RFX2: variants seen among roughly 807,000 people sequenced by gnomAD.
The protein encoded by RFX2 is DNA-binding protein RFX2.
Under a neutral mutation model 87.8 loss-of-function variants are expected in RFX2, and 20 were observed. That is an observed-to-expected ratio of 0.23 (90% CI 0.16 to 0.33). The LOEUF (loss-of-function observed/expected upper bound fraction) is 0.33. Ranked by LOEUF, RFX2 falls within the 10% of genes least tolerant of loss-of-function variation. The pLI is 1.00. For missense variants in RFX2, 767 were observed against 1,012.3 expected (o/e 0.76, Z 3.29); for synonymous variants, 397 against 431.3 (o/e 0.92, Z 0.98).
In RFX2 at chr19:6,056,289, A is replaced by G. The variant is rs1227439895; in HGVS notation, c.-8-8785T>C. Among the ~76,000 whole-genome samples, 2 of 152,220 alleles carry G rather than the reference A, an allele frequency of 1.3e-5. No individual in the cohort carries two copies. The highest frequency in any genetic ancestry group is 6.5e-5 in the Admixed American group (1 of 15,288). ...ATGGCAGGACCCTGACACCCTGTAG[A>G]GGGTGGTGGCTTCATAAGTTTCATT... On this transcript the variant is annotated intron_variant, in intron 1 of 17. Coordinates refer to ENST00000303657, the MANE Select transcript of RFX2 (RefSeq NM_000635.4). The surrounding 1 kb of genome is among the most constrained non-coding windows in gnomAD (Gnocchi z 4.6).
At chr19:6,030,969 C>T (rs370472832) in intron 5 of RFX2, among the ~76,000 whole-genome samples, 1 of 152,112 alleles carries the variant, frequency 6.6e-6, no homozygotes, top group African/African-American at 2.4e-5. Context: ...ATATCACCAC[C>T]AACCTCATCA....
intron 1 of RFX2, among the ~76,000 whole-genome samples, chr19:6,069,379 G>T (rs1262374112): frequency 6.6e-6 from 1 of 152,126 alleles, no homozygotes; most frequent in African/African-American, 2.4e-5. Flanking sequence ...AACATGGGAT[G>T]GGGCCATCAG....
chr19:6,087,302 A>G (rs2087868291), intron 1 of RFX2, among the ~76,000 whole-genome samples: 1 of 152,142 alleles, frequency 6.6e-6, no homozygotes, highest in Admixed American at 6.5e-5. Flanking sequence ...ACTGCCCTGT[A>G]TTTAGGAATT....
rs1416113930 is a variant in RFX2, at chr19:6,027,643, G to C, written c.523-1406C>G. On this transcript the variant is annotated intron_variant, in intron 5 of 17. Coordinates refer to ENST00000303657, the MANE Select transcript of RFX2 (RefSeq NM_000635.4). This position sits in a 1 kb window ranked among gnomAD's most constrained non-coding sequence, Gnocchi z 5.0. Reference sequence around the variant, plus strand: ...GCCTTGTCCAGTGCCCAGCAGACTGGGAAGGAGAAGAAAACACTGTCTCTC... The same window carrying C: ...GCCTTGTCCAGTGCCCAGCAGACTGCGAAGGAGAAGAAAACACTGTCTCTC... Among the ~76,000 whole-genome samples the C allele has an allele frequency of 6.6e-6, 1 of 152,194 alleles. No individual in the cohort carries two copies. Among genetic ancestry groups the C allele is most frequent in the African/African-American group, 2.4e-5 (1 of 41,444 alleles).
At position 6,011,566 on chromosome 19, in the gene RFX2, A is replaced by G. The variant is rs1027552649; in HGVS notation, c.900-1315T>C. ...CCCTGAAATGTGTGTCGCTGCTCCT[A>G]AAATGACACACTGCCTGGAGCACAG... On this transcript the variant is annotated intron_variant, in intron 8 of 17. Transcript: ENST00000303657. The surrounding 1 kb of genome is among the most constrained non-coding windows in gnomAD (Gnocchi z 4.8). Among the ~76,000 whole-genome samples, 2 of 152,210 alleles carry G rather than the reference A, an allele frequency of 1.3e-5. No individual in the cohort carries two copies. Among genetic ancestry groups the G allele is most frequent in the Non-Finnish European group, 2.9e-5 (2 of 68,030 alleles).
chr19:6,067,826 G>T (rs1213521281), intron 1 of RFX2: 2 of 152,218 alleles, frequency 1.3e-5, no homozygotes, highest in Non-Finnish European at 2.9e-5. Context: ...AGCACACAAT[G>T]CTGATAGATT....
At chr19:6,032,315 A>G (rs1304757294) in intron 5 of RFX2, among the ~76,000 whole-genome samples, 1 of 152,078 alleles carries the variant, frequency 6.6e-6, no homozygotes, top group African/African-American at 2.4e-5. Context: ...GTATTTTAGT[A>G]GAGACAGGGT....
intron 1 of RFX2, among the ~76,000 whole-genome samples, chr19:6,080,202 A>ATGTGTG (rs368062995): frequency 0.014 from 1,934 of 138,472 alleles, 28 homozygotes; most frequent in African/African-American, 0.028. Context: ...TGCCTGGTTA[A>ATGTGTG]TGTGTGTGTG....
rs772035212 is a variant in RFX2 at position 6,002,802 on chromosome 19, C to T, written c.1569G>A (p.Ala523=). Residue 523 remains alanine, a synonymous_variant, in exon 14 of 18, where the codon GCG becomes GCA. Transcript: ENST00000303657. The surrounding 1 kb of genome is among the most constrained non-coding windows in gnomAD (Gnocchi z 6.7). ...ACGTGTTCTGCAGCACCGCCCGGGC[C>T]GCCTGCGCCAGGTGGTTGAGGGACG... ...RYTSLNHLAQ[A]ARAVLQNTSQ... is the part of the protein sequence containing the mutation. The T allele has an allele frequency of 6.7e-5, 108 of 1,613,616 alleles. No individual in the cohort carries two copies. Among genetic ancestry groups the T allele is most frequent in the Non-Finnish European group, 8.2e-5 (97 of 1,179,920 alleles).
At position 6,045,991 on chromosome 19, in the gene RFX2, A is replaced by AT. The variant is rs1332497425; in HGVS notation, c.90+1415dup. The stretch of plus-strand genomic sequence containing the variant: ...CATGTGCCACCATGCCTGGCCCTGA[A>AT]TTGTGTGTTTTAAAACCATAATCAT... On this transcript the variant is annotated intron_variant, in intron 2 of 17. Coordinates refer to ENST00000303657, the MANE Select transcript of RFX2 (RefSeq NM_000635.4). The surrounding 1 kb of genome is among the most constrained non-coding windows in gnomAD (Gnocchi z 5.2). 3.9e-5 allele frequency among the ~76,000 whole-genome samples: 6 copies of AT among 151,978 alleles called. No homozygotes were observed. The highest frequency in any genetic ancestry group is 2.0e-4 in the Admixed American group (3 of 15,248).
At chr19:6,031,539 C>G (rs1294625011) in intron 5 of RFX2, among the ~76,000 whole-genome samples, 2 of 139,538 alleles carry the variant, frequency 1.4e-5, no homozygotes, top group African/African-American at 2.6e-5. Context: ...AAGCAATTCT[C>G]CTGCCTCAGC....
At chr19:6,015,964 A>C in intron 7 of RFX2, 126 bp downstream of exon 7, 1 of 814,174 alleles carries the variant, frequency 1.2e-6, no homozygotes. Context: ...AGTAACTGCA[A>C]GCACTCCAGA....
intron 1 of RFX2, among the ~76,000 whole-genome samples, chr19:6,109,734 T>C (rs1174218363): frequency 2.6e-5 from 4 of 151,666 alleles, no homozygotes; most frequent in Non-Finnish European, 5.9e-5. Flanking sequence ...TCAGGGAGTT[T>C]GAGGGTATGA....
chr19:6,099,224 G>C (rs2088077352), intron 1 of RFX2, among the ~76,000 whole-genome samples: 1 of 152,230 alleles, frequency 6.6e-6, no homozygotes, highest in South Asian at 2.1e-4. Context: ...CTGGGACATA[G>C]AATTCGGGAT....
chr19:6,029,480 G>A (rs1287625417), intron 5 of RFX2, among the ~76,000 whole-genome samples: 1 of 152,034 alleles, frequency 6.6e-6, no homozygotes, highest in Non-Finnish European at 1.5e-5. Context: ...GGGTGAGTTG[G>A]GTGGATCACT....
At position 6,017,459 on chromosome 19, in the gene RFX2, A is replaced by G. The variant is rs2086744157; in HGVS notation, c.598-1188T>C. Among the ~76,000 whole-genome samples, 2 of 152,208 alleles carry G rather than the reference A, an allele frequency of 1.3e-5. No homozygotes were observed. Among genetic ancestry groups the G allele is most frequent in the South Asian group, 4.1e-4 (2 of 4,832 alleles). On this transcript the variant is annotated intron_variant, in intron 6 of 17. Coordinates refer to ENST00000303657, the MANE Select transcript of RFX2 (RefSeq NM_000635.4). This position sits in a 1 kb window ranked among gnomAD's most constrained non-coding sequence, Gnocchi z 4.1. ...TCTGGTTTCCACCTCTCCCTCTGCT[A>G]TCGTCTGTCCCCTGATCCAGAGAGG... is the stretch of plus-strand genomic sequence containing the variant.
At chr19:6,104,979 G>A (rs141815985) in intron 1 of RFX2, among the ~76,000 whole-genome samples, 2 of 151,876 alleles carry the variant, frequency 1.3e-5, no homozygotes, top group Non-Finnish European at 2.9e-5. Flanking sequence ...TTAGCTGAGC[G>A]TTGTGGCACG....
chr19:6,047,298 A>C lies in RFX2; in HGVS notation c.90+109T>G. Reference sequence around the variant, plus strand: ...CAGCAGCACTGGGACTGAGAAGTCCATTCAGAAAAATACAGATTCCTCTCT... The same window carrying C: ...CAGCAGCACTGGGACTGAGAAGTCCCTTCAGAAAAATACAGATTCCTCTCT... On this transcript the variant is annotated intron_variant, in intron 2 of 17. Coordinates refer to ENST00000303657, the MANE Select transcript of RFX2 (RefSeq NM_000635.4). The surrounding 1 kb of genome is among the most constrained non-coding windows in gnomAD (Gnocchi z 4.2). 1 of 856,066 alleles carries C rather than the reference A, an allele frequency of 1.2e-6. No individual in the cohort carries two copies. The highest frequency in any genetic ancestry group is 1.8e-6 in the Non-Finnish European group (1 of 565,026). The allele number at this position is 856,066 out of a possible 1,614,324, so 53.0% of individuals were successfully genotyped here. A position where few individuals can be genotyped will look rare whatever the true frequency, so the allele number is the denominator to read the frequency against.
intron 1 of RFX2, among the ~76,000 whole-genome samples, chr19:6,076,677 G>A (rs10408625): frequency 0.074 from 11,339 of 152,236 alleles, 453 homozygotes; most frequent in Middle Eastern, 0.1. Context: ...TAGCGTCATC[G>A]TTGTAATTCA....
Sources: gnomAD v4.1 joint callset for allele counts (sites outside exome capture counted in the v4.1 genomes callset) on GRCh38, gnomAD v4.1.1 for gene constraint, Gnocchi (gnomAD v3.1) non-coding constraint, MANE v1.5 for transcripts, NCBI Gene and HGNC (gene_info 2026-07-23, HGNC 2026-07-21) for gene names.